The following SLC23A1 variants were observed in gnomAD, a reference collection of about 807,000 sequenced individuals.
SLC23A1 encodes Na(+)/L-ascorbic acid transporter 1.
In SLC23A1, 31 loss-of-function variants were observed where a neutral mutation model predicts 62.5. The observed-to-expected ratio is 0.50, with a 90% CI of 0.37 to 0.67. The LOEUF (loss-of-function observed/expected upper bound fraction) is 0.67, where lower values mean the gene tolerates loss of function less well. SLC23A1 is among the 30% of genes least tolerant of loss of function. The pLI is 0.00. For missense variants in SLC23A1, 640 were observed against 782.7 expected (o/e 0.82, Z 2.18); for synonymous variants, 271 against 313.2 (o/e 0.87, Z 1.42).
intron 12 of SLC23A1, 100 bp downstream of exon 12, chr5:139,377,875 C>T (rs1758020160): frequency 1.6e-6 from 2 of 1,226,228 alleles, no homozygotes; most frequent in Non-Finnish European, 2.3e-6. Flanking sequence ...GAGTTGGGTA[C>T]GATTTGTGGC....
chr5:139,370,711 C>A (rs1757610146), intron 14 of SLC23A1, among the ~76,000 whole-genome samples: 2 of 151,852 alleles, frequency 1.3e-5, no homozygotes. Context: ...CCAGGCTGGA[C>A]TCGAACTCCT....
At position 139,378,453 on chromosome 5, in the gene SLC23A1, G is replaced by C; in HGVS notation, c.1180-102C>G. 2 of 1,472,198 alleles carry C rather than the reference G, an allele frequency of 1.4e-6. No homozygotes were observed. Among genetic ancestry groups the C allele is most frequent in the Non-Finnish European group, 9.2e-7 (1 of 1,084,248 alleles). The allele number at this position is 1,472,198 out of a possible 1,614,324, so 91.2% of individuals were successfully genotyped here. A position where few individuals can be genotyped will look rare whatever the true frequency, so the allele number is the denominator to read the frequency against. On this transcript the variant is annotated intron_variant, in intron 10 of 14. Transcript: ENST00000348729. This position sits in a 1 kb window ranked among gnomAD's most constrained non-coding sequence, Gnocchi z 4.5. ...ATAAGAGCGAGGCATAAACCGGCTG[G>C]GGCTTGATGCGGGGGCGAGGCCTCT...
Position 139,379,008 on chromosome 5 carries a change from T to G in SLC23A1, c.1073+199A>C, listed in dbSNP as rs1444399309. Reference sequence around the variant, plus strand: ...TCAATGACGGTGGTTCCCTTTGGACTCCACCATCTTCTCAGCTACTCCCAG... The same window carrying G: ...TCAATGACGGTGGTTCCCTTTGGACGCCACCATCTTCTCAGCTACTCCCAG... On this transcript the variant is annotated intron_variant, in intron 9 of 14. Coordinates refer to ENST00000348729, the MANE Select transcript of SLC23A1 (RefSeq NM_005847.5). This position sits in a 1 kb window ranked among gnomAD's most constrained non-coding sequence, Gnocchi z 4.7. 1.3e-5 allele frequency among the ~76,000 whole-genome samples: 2 copies of G among 152,154 alleles called. No individual in the cohort carries two copies. The highest frequency in any genetic ancestry group is 2.9e-5 in the Non-Finnish European group (2 of 68,018).
chr5:139,374,292 C>G (rs1420035381), intron 13 of SLC23A1, among the ~76,000 whole-genome samples: 3 of 152,048 alleles, frequency 2.0e-5, no homozygotes, highest in Non-Finnish European at 4.4e-5. Context: ...ACTAAAAATA[C>G]AAAAAATTAG....
In SLC23A1 at chr5:139,380,191, G is replaced by C. The variant is rs1441163216; in HGVS notation, c.647+17C>G. ...GGTGCTGGGGCTGGGCAGGGATCAGGCCTGGTGCCTGCTCACCAAGCTGAG... is the reference window on the plus strand; with the variant it reads ...GGTGCTGGGGCTGGGCAGGGATCAGCCCTGGTGCCTGCTCACCAAGCTGAG... On this transcript the variant is annotated intron_variant, in intron 6 of 14. Transcript: ENST00000348729. 8.4e-6 allele frequency: 13 copies of C among 1,556,066 alleles called. No homozygotes were observed. Among genetic ancestry groups the C allele is most frequent in the Non-Finnish European group, 1.1e-5 (13 of 1,149,478 alleles).
rs770228935 is a variant in SLC23A1, at chr5:139,379,225, G to A, written c.1055C>T (p.Pro352Leu). Reference protein sequence around the residue: ...CARLAGAPPPPVHAINRGIFT... With the variant: ...CARLAGAPPPLVHAINRGIFT... ...AGGCTACCTGTTGATAGCATGTACT[G>A]GAGGGGGTGGTGCACCAGCCAGGCG... The change falls in exon 9 of 15, where the codon CCA (proline) becomes CTA (leucine). Residue 352 changes from proline (P) to leucine (L), a missense_variant. Pro to Leu is a moderately conservative substitution (Grantham distance 98). Transcript: ENST00000348729. This position sits in a 1 kb window ranked among gnomAD's most constrained non-coding sequence, Gnocchi z 4.7. The A allele has an allele frequency of 5.6e-6, 9 of 1,614,100 alleles. No individual in the cohort carries two copies. Among genetic ancestry groups the A allele is most frequent in the Non-Finnish European group, 7.6e-6 (9 of 1,180,046 alleles).
intron 14 of SLC23A1, 65 bp from the exon 15 acceptor site, chr5:139,367,696 G>T (rs1484676505): frequency 6.6e-6 from 1 of 151,616 alleles, no homozygotes. Flanking sequence ...GGATTCTAAA[G>T]TAAAATCAGC....
At chr5:139,380,454 G>C (rs759164624) in intron 5 of SLC23A1, 65 bp from the exon 6 acceptor site, 8 of 1,603,266 alleles carry the variant, frequency 5.0e-6, no homozygotes, top group Non-Finnish European at 6.8e-6. Flanking sequence ...CTGCTAGCAG[G>C]AACAAAGCTC....
rs1758132908 is a variant in SLC23A1, at chr5:139,379,621, G to T, written c.925+57C>A. ...ACCTGCTGGATTGGGGTCACCAGGAGTCTGTCTCATAGGTGGTCTCAGTTG... is the reference window on the plus strand; with the variant it reads ...ACCTGCTGGATTGGGGTCACCAGGATTCTGTCTCATAGGTGGTCTCAGTTG... On this transcript the variant is annotated intron_variant, in intron 8 of 14. Coordinates refer to ENST00000348729, the MANE Select transcript of SLC23A1 (RefSeq NM_005847.5). This position sits in a 1 kb window ranked among gnomAD's most constrained non-coding sequence, Gnocchi z 4.7. The T allele has an allele frequency of 2.7e-6, 4 of 1,506,944 alleles. No homozygotes were observed. Among genetic ancestry groups the T allele is most frequent in the African/African-American group, 1.4e-5 (1 of 72,662 alleles). The allele number at this position is 1,506,944 out of a possible 1,614,324, so 93.3% of individuals were successfully genotyped here.
chr5:139,380,975 A>G (rs779214972), intron 3 of SLC23A1, 89 bp from the exon 4 acceptor site: 37 of 682,508 alleles, frequency 5.4e-5, no homozygotes, highest in Non-Finnish European at 8.5e-5. Context: ...AAGGGAGAGC[A>G]CAGAGAGAGT....
In SLC23A1 at chr5:139,379,138, C is replaced by T; in HGVS notation, c.1073+69G>A. 6.4e-7 allele frequency: 1 copy of T among 1,550,874 alleles called. No homozygotes were observed. Among genetic ancestry groups the T allele is most frequent in the Non-Finnish European group, 8.9e-7 (1 of 1,128,540 alleles). On this transcript the variant is annotated intron_variant, in intron 9 of 14. Transcript: ENST00000348729. The surrounding 1 kb of genome is among the most constrained non-coding windows in gnomAD (Gnocchi z 4.7). ...CTAAGCCTACCCCCTGGGCCTCCAC[C>T]CCGTTCCTGTGTGTGCTTCCTGGGT...
At position 139,380,232 on chromosome 5, in the gene SLC23A1, C is replaced by T. The variant is rs891282159; in HGVS notation, c.623G>A (p.Gly208Asp). The T allele has an allele frequency of 7.7e-6, 12 of 1,561,548 alleles. No individual in the cohort carries two copies. Among genetic ancestry groups the T allele is most frequent in the Non-Finnish European group, 1.0e-5 (12 of 1,152,704 alleles). Residue 208 changes from glycine (G) to aspartate (D), a missense_variant, in exon 6 of 15, where the codon GGC becomes GAC. Coordinates refer to ENST00000348729, the MANE Select transcript of SLC23A1 (RefSeq NM_005847.5). ...CCAAGCTGAGATGCCCCAGTGGGAG[C>T]CAGCTCGGTCGCCAGCAGCTTGGAA... The part of the protein sequence containing the change: ...SVFQAAGDRA[G>D]SHWGISACSI...
chr5:139,379,920 C>T lies in SLC23A1; in HGVS notation c.768+36G>A. 1 of 1,614,094 alleles carries T rather than the reference C, an allele frequency of 6.2e-7. No individual in the cohort carries two copies. On this transcript the variant is annotated intron_variant, in intron 7 of 14. Transcript: ENST00000348729. The surrounding 1 kb of genome is among the most constrained non-coding windows in gnomAD (Gnocchi z 4.7). ...CTCCCACCTCAGCCCAAGCCCTGGC[C>T]ATAGTCCCAGCCCCAGCCGCCTGCC...
rs1328554287 is a variant in SLC23A1, at chr5:139,379,853, G to A, written c.769-19C>T. ...GCATGATCTGAAGGAGGGGGGTGAG[G>A]GGGCACTGAAGGCACTGGAGGTCTC... On this transcript the variant is annotated intron_variant, in intron 7 of 14. Coordinates refer to ENST00000348729, the MANE Select transcript of SLC23A1 (RefSeq NM_005847.5). The surrounding 1 kb of genome is among the most constrained non-coding windows in gnomAD (Gnocchi z 4.7). 1 of 1,614,044 alleles carries A rather than the reference G, an allele frequency of 6.2e-7. No individual in the cohort carries two copies. Among genetic ancestry groups the A allele is most frequent in the Non-Finnish European group, 8.5e-7 (1 of 1,179,974 alleles).
chr5:139,371,283 A>G (rs993509564), intron 14 of SLC23A1, among the ~76,000 whole-genome samples: 3 of 152,182 alleles, frequency 2.0e-5, no homozygotes, highest in African/African-American at 4.8e-5. Flanking sequence ...TATTTTTACT[A>G]TTAAGGAGTC....
intron 1 of SLC23A1, 91 bp from the exon 2 acceptor site, chr5:139,382,696 G>C (rs1758337127): frequency 1.2e-6 from 1 of 824,726 alleles, no homozygotes; most frequent in Non-Finnish European, 2.0e-6. Context: ...AGCCCAAGTG[G>C]CTTGTCAGCA....
Position 139,378,468 on chromosome 5 carries a change from G to T in SLC23A1, c.1179+111C>A. 1 of 1,443,468 alleles carries T rather than the reference G, an allele frequency of 6.9e-7. No homozygotes were observed. Among genetic ancestry groups the T allele is most frequent in the African/African-American group, 1.4e-5 (1 of 71,070 alleles). 89.4% of individuals were successfully genotyped at this position (1,443,468 alleles called of 1,614,324 possible). A position where few individuals can be genotyped will look rare whatever the true frequency, so the allele number is the denominator to read the frequency against. ...AAACCGGCTGGGGCTTGATGCGGGG[G>T]CGAGGCCTCTCAAAGACAGGGTGGG... is the stretch of plus-strand genomic sequence containing the variant. On this transcript the variant is annotated intron_variant, in intron 10 of 14. Transcript: ENST00000348729. This position sits in a 1 kb window ranked among gnomAD's most constrained non-coding sequence, Gnocchi z 4.5.
At position 139,367,397 on chromosome 5, in the gene SLC23A1, T is replaced by C. The variant is rs534871649; in HGVS notation, c.*254A>G. 1 of 152,290 alleles carries C rather than the reference T, an allele frequency of 6.6e-6. No individual in the cohort carries two copies. Among genetic ancestry groups the C allele is most frequent in the South Asian group, 2.1e-4 (1 of 4,826 alleles). 9.4% of individuals were successfully genotyped at this position (152,290 alleles called of 1,614,324 possible). A position where few individuals can be genotyped will look rare whatever the true frequency, so the allele number is the denominator to read the frequency against. On this transcript the variant is annotated 3_prime_UTR_variant, in exon 15 of 15. Transcript: ENST00000348729. ...TCTTCCTAGATGCTGACAAGTCTAC[T>C]TAGGAGAGTAAAGATTTAGAGACAT... is the stretch of plus-strand genomic sequence containing the variant.
intron 13 of SLC23A1, among the ~76,000 whole-genome samples, chr5:139,373,009 TA>T: frequency 6.6e-6 from 1 of 152,258 alleles, no homozygotes; most frequent in African/African-American, 2.4e-5. Flanking sequence ...GTTCTGGGGG[TA>T]AGGGAGGCAT....
Sources: allele counts gnomAD v4.1 joint callset (sites outside exome capture counted in the v4.1 genomes callset), GRCh38; gene constraint gnomAD v4.1.1; non-coding constraint Gnocchi (gnomAD v3.1); transcripts MANE v1.5; gene names NCBI Gene and HGNC (gene_info 2026-07-23, HGNC 2026-07-21).